Variants in SGCD observed in about 807,000 individuals in gnomAD.
SGCD encodes the protein sarcoglycan delta.
A neutral mutation model predicts 36.6 loss-of-function variants in SGCD; 18 were observed. The observed-to-expected ratio is 0.49, with a 90% confidence interval of 0.34 to 0.73. The LOEUF (loss-of-function observed/expected upper bound fraction) is 0.73. Ranked by LOEUF, SGCD falls within the 30% of genes least tolerant of loss-of-function variation. The pLI, the probability that SGCD is intolerant of heterozygous loss-of-function variation, is 0.01. For missense variants in SGCD, 387 were observed against 346.7 expected (o/e 1.12, Z -0.92); for synonymous variants, 133 against 130.6 (o/e 1.02, Z -0.12).
At chr5:156,514,209 T>A (rs1260584665) in intron 4 of SGCD, among the ~76,000 whole-genome samples, 1 of 152,218 alleles carries the variant, frequency 6.6e-6, no homozygotes, top group Non-Finnish European at 1.5e-5. Flanking sequence ...AAGTTGTACA[T>A]CCCTACTTCT....
intron 3 of SGCD, among the ~76,000 whole-genome samples, chr5:156,202,837 A>T (rs1241607917): frequency 1.3e-5 from 2 of 150,592 alleles, no homozygotes; most frequent in Admixed American, 6.7e-5. Flanking sequence ...ACAGGGAGGT[A>T]CCCTGTTTCT....
At chr5:156,749,209 C>T (rs1335186769) in intron 7 of SGCD, among the ~76,000 whole-genome samples, 1 of 151,974 alleles carries the variant, frequency 6.6e-6, no homozygotes, top group African/African-American at 2.4e-5. Flanking sequence ...CTAAAGAACG[C>T]CCTTCTATAA....
At chr5:156,122,210 A>AGGGC (rs2127602870) in intron 2 of SGCD, among the ~76,000 whole-genome samples, 2 of 152,300 alleles carry the variant, frequency 1.3e-5, no homozygotes, top group African/African-American at 4.8e-5. Context: ...TTATTCATTC[A>AGGGC]TTCAAAAAAT....
At chr5:155,790,639 T>C in the SGCD span, among the ~76,000 whole-genome samples, 1 of 152,124 alleles carries the variant, frequency 6.6e-6, no homozygotes, top group East Asian at 1.9e-4. Flanking sequence ...CTTGACTGTA[T>C]CATTTCTTCA....
intron 7 of SGCD, among the ~76,000 whole-genome samples, chr5:156,657,382 G>T (rs1240968886): frequency 6.7e-6 from 1 of 150,224 alleles, no homozygotes; most frequent in East Asian, 2.0e-4. Context: ...ATCTCCTAAT[G>T]CTATCCCTCC....
intron 3 of SGCD, among the ~76,000 whole-genome samples, chr5:156,386,882 G>A (rs999763519): frequency 3.9e-5 from 6 of 152,236 alleles, no homozygotes; most frequent in African/African-American, 9.6e-5. Flanking sequence ...TTTCAAACTG[G>A]TCAGCCAACT....
chr5:155,771,032 C>G, the SGCD span, among the ~76,000 whole-genome samples: 11 of 151,734 alleles, frequency 7.2e-5, no homozygotes, highest in African/African-American at 2.4e-4. Context: ...TCAAAAAAAC[C>G]ACAAAAGTGC....
At chr5:156,634,147 A>G (rs1016844852) in intron 6 of SGCD, among the ~76,000 whole-genome samples, 6 of 152,050 alleles carry the variant, frequency 3.9e-5, no homozygotes, top group African/African-American at 1.2e-4. Flanking sequence ...CCTACTCTCC[A>G]CTAAGGTTAG....
At chr5:156,432,465 A>G (rs1306788570) in intron 3 of SGCD, among the ~76,000 whole-genome samples, 4 of 152,172 alleles carry the variant, frequency 2.6e-5, no homozygotes, top group Non-Finnish European at 1.5e-5. Flanking sequence ...AGCTTATCCA[A>G]AGTTGGCCAG....
chr5:156,247,227 C>A (rs1765460438), intron 3 of SGCD, among the ~76,000 whole-genome samples: 1 of 152,126 alleles, frequency 6.6e-6, no homozygotes, highest in South Asian at 2.1e-4. Context: ...AGGAAGGATT[C>A]TGCGGGGGCT....
At chr5:156,575,486 A>G (rs542611711) in intron 4 of SGCD, among the ~76,000 whole-genome samples, 41 of 152,302 alleles carry the variant, frequency 2.7e-4, no homozygotes, top group East Asian at 2.3e-3. Flanking sequence ...GCAATTTACC[A>G]GTATGCAAGT....
At chr5:155,874,597 G>A (rs1010455569) in intron 1 of SGCD, among the ~76,000 whole-genome samples, 8 of 152,066 alleles carry the variant, frequency 5.3e-5, no homozygotes, top group Non-Finnish European at 1.2e-4. Flanking sequence ...TGAAAATGGG[G>A]CAAAGATTTT....
intron 3 of SGCD, among the ~76,000 whole-genome samples, chr5:156,232,658 C>T (rs774706227): frequency 9.2e-5 from 14 of 152,220 alleles, no homozygotes; most frequent in Middle Eastern, 6.8e-3. Context: ...TTTGACAGAC[C>T]GTGAAATCTT....
chr5:155,950,693 G>T (rs1757531965), intron 1 of SGCD, among the ~76,000 whole-genome samples: 2 of 152,212 alleles, frequency 1.3e-5, no homozygotes, highest in Admixed American at 6.5e-5. Flanking sequence ...ACCTGAGCTT[G>T]CTCCTGGCAG....
At chr5:156,705,804 T>A (rs1450303836) in intron 7 of SGCD, among the ~76,000 whole-genome samples, 1 of 152,130 alleles carries the variant, frequency 6.6e-6, no homozygotes, top group African/African-American at 2.4e-5. Flanking sequence ...AATTGAATAG[T>A]CCCTTACTAA....
intron 7 of SGCD, among the ~76,000 whole-genome samples, chr5:156,745,086 G>A (rs749625586): frequency 2.0e-5 from 3 of 152,090 alleles, no homozygotes; most frequent in Non-Finnish European, 2.9e-5. Flanking sequence ...CCTGGGTTAT[G>A]GGAACAAAAC....
intron 3 of SGCD, among the ~76,000 whole-genome samples, chr5:156,184,568 A>G (rs1763690695): frequency 6.6e-6 from 1 of 152,166 alleles, no homozygotes; most frequent in African/African-American, 2.4e-5. Context: ...TCTTATATTT[A>G]TGAGACTTCT....
chr5:156,275,357 G>A (rs182003505), intron 3 of SGCD, among the ~76,000 whole-genome samples: 112 of 152,266 alleles, frequency 7.4e-4, no homozygotes, highest in Admixed American at 4.1e-3. Context: ...AATAATGTCA[G>A]TTGTTAAAGT....
At chr5:155,754,333 T>A in the SGCD span, among the ~76,000 whole-genome samples, 1 of 152,162 alleles carries the variant, frequency 6.6e-6, no homozygotes, top group African/African-American at 2.4e-5. Context: ...TAAGGGACTA[T>A]AATTAAGAGT....
Sources: gnomAD v4.1 joint callset for allele counts (sites outside exome capture counted in the v4.1 genomes callset) on GRCh38, gnomAD v4.1.1 for gene constraint, MANE v1.5 for transcripts, NCBI Gene and HGNC (gene_info 2026-07-23, HGNC 2026-07-21) for gene names.